PTPRD: variants seen among roughly 807,000 people sequenced by gnomAD.
PTPRD encodes the protein receptor-type tyrosine-protein phosphatase delta.
Under a neutral mutation model 214.5 loss-of-function variants are expected in PTPRD, and 34 were observed. The observed-to-expected ratio is 0.16, with a 90% CI of 0.12 to 0.21. The LOEUF is 0.21. PTPRD is among the 10% of genes least tolerant of loss of function. The pLI is 1.00. For missense variants in PTPRD, 2,545 were observed against 2,398.7 expected (o/e 1.06, Z -1.27); for synonymous variants, 1,128 against 845.7 (o/e 1.33, Z -5.79).
At chr9:8,861,139 C>T (rs1364984510) in intron 11 of PTPRD, 1 of 152,122 alleles carries the variant, frequency 6.6e-6, no homozygotes, top group Non-Finnish European at 1.5e-5. Flanking sequence ...GTTTTGGACC[C>T]CATCCAAAGG....
chr9:8,529,772 G>A (rs1188199475), intron 14 of PTPRD, among the ~76,000 whole-genome samples: 2 of 152,046 alleles, frequency 1.3e-5, no homozygotes, highest in African/African-American at 4.8e-5. Context: ...ATTAGAACAT[G>A]GCCATTTGTT....
intron 27 of PTPRD, among the ~76,000 whole-genome samples, chr9:8,488,038 T>C (rs937992147): frequency 1.3e-5 from 2 of 151,526 alleles, no homozygotes; most frequent in Non-Finnish European, 2.9e-5. Flanking sequence ...AAATTATGAA[T>C]GTGAAGAAAA....
intron 6 of PTPRD, among the ~76,000 whole-genome samples, chr9:9,751,762 C>A (rs1392477514): frequency 1.3e-5 from 2 of 152,072 alleles, no homozygotes. Flanking sequence ...GGGCGTGTCT[C>A]ATCTCCAGAG....
chr9:10,136,524 C>T (rs1031298649), intron 3 of PTPRD, among the ~76,000 whole-genome samples: 6 of 151,926 alleles, frequency 3.9e-5, no homozygotes, highest in African/African-American at 1.2e-4. Context: ...AGAAATTATA[C>T]CAAACAAACT....
chr9:8,926,959 T>C (rs912720981), intron 11 of PTPRD, among the ~76,000 whole-genome samples: 8 of 152,124 alleles, frequency 5.3e-5, no homozygotes, highest in Non-Finnish European at 8.8e-5. Context: ...TTCTTTCTTT[T>C]AGAGTGTGGA....
At chr9:10,078,336 C>A (rs1288208600) in intron 3 of PTPRD, among the ~76,000 whole-genome samples, 1 of 136,384 alleles carries the variant, frequency 7.3e-6, no homozygotes, top group Non-Finnish European at 1.6e-5. Flanking sequence ...CATGGTGAAA[C>A]CCCATCTCTT....
At chr9:10,357,936 C>T (rs899630884) in intron 2 of PTPRD, among the ~76,000 whole-genome samples, 1 of 151,978 alleles carries the variant, frequency 6.6e-6, no homozygotes, top group African/African-American at 2.4e-5. Context: ...AAGAAATATT[C>T]CAAGCTAAAG....
chr9:8,523,566 A>G, intron 18 of PTPRD, 42 bp from the exon 19 acceptor site: 1 of 1,610,574 alleles, frequency 6.2e-7, no homozygotes, highest in Non-Finnish European at 8.5e-7. Context: ...CAATGAAATG[A>G]GGAAAGGAGA....
chr9:8,985,537 T>G (rs1335517310), intron 11 of PTPRD, among the ~76,000 whole-genome samples: 1 of 151,892 alleles, frequency 6.6e-6, no homozygotes, highest in Admixed American at 6.6e-5. Flanking sequence ...TTCCAACAAT[T>G]CTAAATACAG....
chr9:10,072,736 G>A (rs1172275744), intron 3 of PTPRD, among the ~76,000 whole-genome samples: 1 of 151,952 alleles, frequency 6.6e-6, no homozygotes, highest in Non-Finnish European at 1.5e-5. Flanking sequence ...CGCTGATTGG[G>A]GCGTTTTTAC....
At chr9:9,471,137 G>T (rs1423412131) in intron 8 of PTPRD, among the ~76,000 whole-genome samples, 1 of 151,946 alleles carries the variant, frequency 6.6e-6, no homozygotes, top group Admixed American at 6.6e-5. Context: ...ATCCTTCCTT[G>T]GTCCTATAGT....
chr9:8,640,862 A>G (rs1188392518), intron 12 of PTPRD, among the ~76,000 whole-genome samples: 4 of 133,308 alleles, frequency 3.0e-5, no homozygotes, highest in African/African-American at 1.6e-4. Flanking sequence ...TAATATAGTA[A>G]AATCCTTTCA....
At chr9:9,035,628 G>A (rs1387524660) in intron 10 of PTPRD, among the ~76,000 whole-genome samples, 2 of 146,430 alleles carry the variant, frequency 1.4e-5, no homozygotes, top group African/African-American at 5.0e-5. Flanking sequence ...TCAATTACCA[G>A]GTAAAGTTAA....
intron 5 of PTPRD, among the ~76,000 whole-genome samples, chr9:9,936,021 C>T: frequency 2.0e-5 from 3 of 149,234 alleles, no homozygotes; most frequent in African/African-American, 7.7e-5. Context: ...AACTGGCTAG[C>T]CATATGTAGA....
chr9:9,992,655 A>G (rs2095983374), intron 4 of PTPRD, among the ~76,000 whole-genome samples: 1 of 152,218 alleles, frequency 6.6e-6, no homozygotes, highest in Non-Finnish European at 1.5e-5. Context: ...TTGTAGGGAC[A>G]TGGATGAAGC....
At chr9:9,383,982 C>T (rs930721694) in intron 9 of PTPRD, among the ~76,000 whole-genome samples, 4 of 151,950 alleles carry the variant, frequency 2.6e-5, no homozygotes, top group African/African-American at 4.8e-5. Flanking sequence ...GAACTAAACA[C>T]AAGGCCCTGT....
intron 2 of PTPRD, among the ~76,000 whole-genome samples, chr9:10,611,590 T>C (rs2080983420): frequency 6.6e-6 from 1 of 152,186 alleles, no homozygotes; most frequent in Non-Finnish European, 1.5e-5. Flanking sequence ...GACATGGTGA[T>C]GTTAGCCCCA....
chr9:9,498,536 A>G (rs1272212044), intron 8 of PTPRD, among the ~76,000 whole-genome samples: 1 of 152,132 alleles, frequency 6.6e-6, no homozygotes, highest in African/African-American at 2.4e-5. Context: ...TAAGAAGTAG[A>G]TATGAAATTC....
intron 11 of PTPRD, among the ~76,000 whole-genome samples, chr9:8,950,893 A>G (rs535031036): frequency 2.6e-4 from 39 of 152,152 alleles, no homozygotes; most frequent in African/African-American, 7.9e-4. Flanking sequence ...CCAGTTTCTG[A>G]CCACGGCAAA....
Sources: gnomAD v4.1 joint callset for allele counts (sites outside exome capture counted in the v4.1 genomes callset) on GRCh38, gnomAD v4.1.1 for gene constraint, MANE v1.5 for transcripts, NCBI Gene and HGNC (gene_info 2026-07-23, HGNC 2026-07-21) for gene names.